Variants in TMEFF1 observed in about 807,000 individuals in gnomAD.
The protein encoded by TMEFF1 is tomoregulin-1.
Under a neutral mutation model 47.5 loss-of-function variants are expected in TMEFF1, and 20 were observed. The ratio of observed to expected loss-of-function variants is 0.42; its 90% confidence interval spans 0.30 to 0.61. TMEFF1 has a LOEUF of 0.61. Ranked by LOEUF, TMEFF1 falls within the 20% of genes least tolerant of loss-of-function variation. TMEFF1 has a pLI of 0.19. For missense variants in TMEFF1, 411 were observed against 471.1 expected (o/e 0.87, Z 1.18); for synonymous variants, 162 against 166.3 (o/e 0.97, Z 0.20).
At chr9:100,527,754 C>T (rs1587838058) in intron 5 of TMEFF1, among the ~76,000 whole-genome samples, 1 of 152,216 alleles carries the variant, frequency 6.6e-6, no homozygotes, top group Non-Finnish European at 1.5e-5. Flanking sequence ...TCAAGGAGGC[C>T]TGCCTGCCTC....
At position 100,550,092 on chromosome 9, in the gene TMEFF1, C is replaced by T. The variant is rs1838804105; in HGVS notation, c.710-3C>T. On this transcript the variant is annotated splice_polypyrimidine_tract_variant and splice_region_variant and intron_variant, in intron 6 of 9. Coordinates refer to ENST00000374879, the MANE Select transcript of TMEFF1 (RefSeq NM_003692.5). ...TTAATTTGAAAACCGTCTTCTCTTA[C>T]AGATACAGATGACACTAGTTTGTTG... 1 of 1,608,214 alleles carries T rather than the reference C, an allele frequency of 6.2e-7. No individual in the cohort carries two copies. The highest frequency in any genetic ancestry group is 1.3e-5 in the African/African-American group (1 of 74,602).
chr9:100,566,520 G>A (rs562891382), intron 8 of TMEFF1, among the ~76,000 whole-genome samples: 5 of 152,060 alleles, frequency 3.3e-5, no homozygotes, highest in African/African-American at 7.2e-5. Context: ...CTTCTCTTTC[G>A]TATCCAATCA....
chr9:100,498,738 A>G (rs575589209), intron 1 of TMEFF1, 27 bp from the exon 2 acceptor site: 8 of 1,610,368 alleles, frequency 5.0e-6, no homozygotes, highest in East Asian at 2.2e-5. Flanking sequence ...CCAAATATAT[A>G]TGTCAAACAA....
chr9:100,543,849 G>C (rs1838683076), intron 5 of TMEFF1, among the ~76,000 whole-genome samples: 1 of 151,978 alleles, frequency 6.6e-6, no homozygotes. Flanking sequence ...GCCTCTTCTA[G>C]TCCTTGACCC....
At chr9:100,504,875 T>C (rs1272898768) in intron 2 of TMEFF1, among the ~76,000 whole-genome samples, 1 of 152,232 alleles carries the variant, frequency 6.6e-6, no homozygotes, top group Non-Finnish European at 1.5e-5. Context: ...CCTATCAGAA[T>C]TAATGCTTCA....
At chr9:100,499,254 GCTGTCT>G (rs1321750207) in intron 2 of TMEFF1, among the ~76,000 whole-genome samples, 1 of 151,810 alleles carries the variant, frequency 6.6e-6, no homozygotes, top group African/African-American at 2.4e-5. Flanking sequence ...CTTATTTGTT[GCTGTCT>G]CATCTCTTCA....
In TMEFF1 at chr9:100,540,853, T is replaced by TTCA. The variant is rs112849016; in HGVS notation, c.561-6891_561-6890insTCA. On this transcript the variant is annotated intron_variant, in intron 5 of 9. Transcript: ENST00000374879. Reference sequence around the variant, plus strand: ...TTGAATATCTTTTCACATATGTTGTTCTTATATGTTTCCTCTTTTATTTCT... The same window carrying TTCA: ...TTGAATATCTTTTCACATATGTTGTTTCACTTATATGTTTCCTCTTTTATTTCT... Among the ~76,000 whole-genome samples the TTCA allele has an allele frequency of 8.3e-3, 1,266 of 152,362 alleles. 7 individuals are homozygous for TTCA. Among genetic ancestry groups the TTCA allele is most frequent in the African/African-American group, 0.028 (1,168 of 41,586 alleles).
chr9:100,508,906 G>T, intron 2 of TMEFF1, 99 bp from the exon 3 acceptor site: 1 of 1,280,840 alleles, frequency 7.8e-7, no homozygotes, highest in Non-Finnish European at 1.0e-6. Flanking sequence ...ATTCAGTAGC[G>T]AAGTATGTCA....
intron 1 of TMEFF1, among the ~76,000 whole-genome samples, chr9:100,497,783 C>T (rs147119880): frequency 9.6e-4 from 146 of 152,288 alleles, no homozygotes; most frequent in African/African-American, 3.2e-3. Flanking sequence ...GCCGGGACCT[C>T]ATCATGATCT....
intron 2 of TMEFF1, among the ~76,000 whole-genome samples, chr9:100,505,806 A>C (rs117167741): frequency 2.0e-5 from 3 of 152,368 alleles, no homozygotes; most frequent in Non-Finnish European, 4.4e-5. Context: ...GTTAGAAAGT[A>C]AGCATTTGTT....
chr9:100,568,392 T>C (rs1839166114), intron 8 of TMEFF1, among the ~76,000 whole-genome samples: 1 of 152,188 alleles, frequency 6.6e-6, no homozygotes, highest in Non-Finnish European at 1.5e-5. Flanking sequence ...ATTATATCAT[T>C]GAATTTACTG....
chr9:100,497,664 C>G (rs912832900), intron 1 of TMEFF1, among the ~76,000 whole-genome samples: 2 of 152,054 alleles, frequency 1.3e-5, no homozygotes, highest in Admixed American at 1.3e-4. Context: ...CAGTTGTCAC[C>G]GGACATAGAA....
At chr9:100,509,196 G>GGT in intron 3 of TMEFF1, 62 bp downstream of exon 3, 4 of 1,417,084 alleles carry the variant, frequency 2.8e-6, no homozygotes, top group Non-Finnish European at 2.8e-6. Context: ...TCTAAAAGGG[G>GGT]GTTTTGAGTC....
intron 4 of TMEFF1, among the ~76,000 whole-genome samples, chr9:100,515,509 C>T (rs917503058): frequency 4.6e-5 from 7 of 152,032 alleles, no homozygotes; most frequent in Non-Finnish European, 7.4e-5. Flanking sequence ...CCCCTGAGGC[C>T]GGGTGTGGTG....
chr9:100,564,908 T>A (rs1839092385), intron 8 of TMEFF1, among the ~76,000 whole-genome samples: 1 of 152,146 alleles, frequency 6.6e-6, no homozygotes, highest in Non-Finnish European at 1.5e-5. Flanking sequence ...ACCGACCTGT[T>A]AGGTTGGATA....
At chr9:100,516,600 A>T in intron 4 of TMEFF1, 75 bp from the exon 5 acceptor site, 1 of 1,542,120 alleles carries the variant, frequency 6.5e-7, no homozygotes, top group Non-Finnish European at 8.7e-7. Flanking sequence ...CAGGATAATG[A>T]CTGCTGAAAA....
intron 5 of TMEFF1, among the ~76,000 whole-genome samples, chr9:100,525,870 A>T (rs1398606630): frequency 6.6e-6 from 1 of 152,188 alleles, no homozygotes; most frequent in Non-Finnish European, 1.5e-5. Flanking sequence ...ATGAATACTT[A>T]TTATTATACC....
intron 5 of TMEFF1, among the ~76,000 whole-genome samples, chr9:100,531,214 A>G (rs1245429140): frequency 6.6e-6 from 1 of 152,142 alleles, no homozygotes; most frequent in Non-Finnish European, 1.5e-5. Context: ...CCTATTCAAC[A>G]TAGTGTTGGA....
chr9:100,516,665 T>C lies in TMEFF1; in HGVS notation c.464-10T>C, dbSNP rs1458236821. On this transcript the variant is annotated splice_polypyrimidine_tract_variant and intron_variant, in intron 4 of 9. Coordinates refer to ENST00000374879, the MANE Select transcript of TMEFF1 (RefSeq NM_003692.5). ...TTTTGGTTGTAAATTTGATTTTTCT[T>C]TTTAAACAGAAGAGGAAGGGTCAGG... is the stretch of plus-strand genomic sequence containing the variant. The C allele has an allele frequency of 6.2e-7, 1 of 1,606,292 alleles. No individual in the cohort carries two copies. Among genetic ancestry groups the C allele is most frequent in the African/African-American group, 1.3e-5 (1 of 74,496 alleles).
Sources: gnomAD v4.1 joint callset for allele counts (sites outside exome capture counted in the v4.1 genomes callset) on GRCh38, gnomAD v4.1.1 for gene constraint, MANE v1.5 for transcripts, NCBI Gene and HGNC (gene_info 2026-07-23, HGNC 2026-07-21) for gene names.